Variants in EIF2B3 observed in about 807,000 individuals in gnomAD.
The protein encoded by EIF2B3 is eukaryotic translation initiation factor 2B subunit gamma, also known as translation initiation factor eIF2B subunit gamma.
In EIF2B3, 20 loss-of-function variants were observed where a neutral mutation model predicts 54.1. That is an observed-to-expected ratio of 0.37 (90% CI 0.26 to 0.54). The LOEUF is 0.54. EIF2B3 is among the 20% of genes least tolerant of loss of function. The probability of loss-of-function intolerance (pLI) is 0.86; values close to 1 mark genes in which losing one functional copy is unlikely to be tolerated. For synonymous variants in EIF2B3, 153 were observed against 188.1 expected (o/e 0.81, Z 1.52); for missense variants, 448 against 547.8 (o/e 0.82, Z 1.82).
intron 1 of EIF2B3, among the ~76,000 whole-genome samples, chr1:44,985,970 T>C (rs1204204159): frequency 6.6e-6 from 1 of 152,162 alleles, no homozygotes; most frequent in African/African-American, 2.4e-5. Context: ...TATATTTCAC[T>C]GCCCTGCATC....
At chr1:44,896,374 G>C (rs174637) in intron 6 of EIF2B3, among the ~76,000 whole-genome samples, 5 of 130,088 alleles carry the variant, frequency 3.8e-5, no homozygotes, top group South Asian at 2.1e-4. Flanking sequence ...CAAGTGTTGT[G>C]GGGGGGTGAC....
intron 10 of EIF2B3, among the ~76,000 whole-genome samples, chr1:44,863,537 A>G (rs1311625912): frequency 6.6e-6 from 1 of 152,080 alleles, no homozygotes; most frequent in East Asian, 1.9e-4. Flanking sequence ...TCTGGCAACC[A>G]TGTATTATTT....
At chr1:44,938,094 T>C (rs1183358946) in intron 4 of EIF2B3, among the ~76,000 whole-genome samples, 3 of 151,790 alleles carry the variant, frequency 2.0e-5, no homozygotes, top group Non-Finnish European at 4.4e-5. Flanking sequence ...AGAACGCCAT[T>C]TGAGGAAGTT....
intron 3 of EIF2B3, among the ~76,000 whole-genome samples, chr1:44,947,038 T>G (rs1342102831): frequency 6.6e-6 from 1 of 152,184 alleles, no homozygotes; most frequent in Non-Finnish European, 1.5e-5. Context: ...CTGCCTTTGT[T>G]TCATGGACCC....
chr1:44,888,088 T>C (rs263962), intron 6 of EIF2B3, among the ~76,000 whole-genome samples: 65,445 of 151,970 alleles, frequency 0.43, 14,998 homozygotes, highest in African/African-American at 0.59. Flanking sequence ...GAGAGGCCCT[T>C]CCCTCAATAA....
rs71040529 is a variant in EIF2B3 at position 44,984,797 on chromosome 1, C to CTTTTTTTTTTTTTTTTTTTT, written c.-10+1676_-10+1695dup. 3.3e-4 allele frequency among the ~76,000 whole-genome samples: 29 copies of CTTTTTTTTTTTTTTTTTTTT among 88,576 alleles called. 5 individuals carry two copies. The highest frequency in any genetic ancestry group is 1.5e-3 in the African/African-American group (27 of 18,588). The allele number at this position is 88,576 out of a possible 152,430, so 58.1% of individuals were successfully genotyped here. ...GTAAAGCAGACAAAATAATGTCCAT[C>CTTTTTTTTTTTTTTTTTTTT]TTTTTTTTTTTTTTTTTTTTGAGAC... On this transcript the variant is annotated intron_variant, in intron 1 of 11. Transcript: ENST00000360403.
At chr1:44,922,919 C>T (rs532449591) in intron 5 of EIF2B3, among the ~76,000 whole-genome samples, 11 of 135,594 alleles carry the variant, frequency 8.1e-5, no homozygotes, top group South Asian at 4.8e-4. Flanking sequence ...CATCTCGGCT[C>T]GCTGTAACCT....
At chr1:44,932,595 C>T (rs1012232323) in intron 4 of EIF2B3, among the ~76,000 whole-genome samples, 7 of 152,096 alleles carry the variant, frequency 4.6e-5, no homozygotes, top group African/African-American at 1.7e-4. Context: ...TTTAAGTGTT[C>T]TCACTTGAAG....
At chr1:44,854,103 A>G (rs1311975723) in intron 11 of EIF2B3, among the ~76,000 whole-genome samples, 2 of 151,292 alleles carry the variant, frequency 1.3e-5, no homozygotes, top group African/African-American at 4.9e-5. Flanking sequence ...CCCAGGTTCA[A>G]GTGATTCTCC....
chr1:44,957,423 T>C (rs1644237616), intron 3 of EIF2B3, among the ~76,000 whole-genome samples: 1 of 152,188 alleles, frequency 6.6e-6, no homozygotes. Flanking sequence ...GATCATAATG[T>C]ATTCAATTTT....
At chr1:44,888,366 G>T (rs2148909685) in intron 6 of EIF2B3, among the ~76,000 whole-genome samples, 1 of 152,308 alleles carries the variant, frequency 6.6e-6, no homozygotes, top group East Asian at 1.9e-4. Flanking sequence ...AGGAGCGATG[G>T]TGTGGCAAGC....
chr1:44,938,502 G>C (rs200260545), intron 4 of EIF2B3, among the ~76,000 whole-genome samples: 19,485 of 146,726 alleles, frequency 0.13, 1,400 homozygotes, highest in Non-Finnish European at 0.16. Context: ...CTCTCTCTCT[G>C]TTTTTTTTTG....
At chr1:44,880,103 A>ACCGT in intron 7 of EIF2B3, 95 bp from the exon 8 acceptor site, 1 of 1,370,614 alleles carries the variant, frequency 7.3e-7, no homozygotes. Context: ...TATTTAAGAG[A>ACCGT]CGAGGTCTTG....
intron 6 of EIF2B3, among the ~76,000 whole-genome samples, chr1:44,890,863 ACTT>A (rs1380548369): frequency 6.6e-6 from 1 of 152,022 alleles, no homozygotes; most frequent in Non-Finnish European, 1.5e-5. Flanking sequence ...AAACAGCCTG[ACTT>A]CTTCTTCCAC....
chr1:44,942,401 A>G (rs1241145590), intron 3 of EIF2B3, among the ~76,000 whole-genome samples: 1 of 16,674 alleles, frequency 6.0e-5, no homozygotes, highest in Non-Finnish European at 1.0e-4. Context: ...ATATATATAT[A>G]TATATATATA....
At chr1:44,922,401 A>G (rs949160817) in intron 5 of EIF2B3, among the ~76,000 whole-genome samples, 4 of 151,082 alleles carry the variant, frequency 2.6e-5, no homozygotes, top group Non-Finnish European at 5.9e-5. Flanking sequence ...AGCCTGGGCA[A>G]CATGGTGAAA....
At chr1:44,959,758 G>A (rs1423758287) in intron 3 of EIF2B3, among the ~76,000 whole-genome samples, 1 of 152,120 alleles carries the variant, frequency 6.6e-6, no homozygotes, top group Non-Finnish European at 1.5e-5. Flanking sequence ...ATTAAAGCAT[G>A]AGCATTTTAT....
intron 11 of EIF2B3, among the ~76,000 whole-genome samples, chr1:44,855,109 GAAGT>G (rs1272771833): frequency 6.6e-6 from 1 of 150,700 alleles, no homozygotes; most frequent in Non-Finnish European, 1.5e-5. Context: ...AAAAAAAGAA[GAAGT>G]AATAGTGGAA....
chr1:44,961,641 T>A (rs1644285768), intron 3 of EIF2B3, among the ~76,000 whole-genome samples: 1 of 152,156 alleles, frequency 6.6e-6, no homozygotes, highest in Admixed American at 6.5e-5. Flanking sequence ...AGAGGACAGG[T>A]ATCTTTTTTA....
Sources: gnomAD v4.1 joint callset for allele counts (sites outside exome capture counted in the v4.1 genomes callset) on GRCh38, gnomAD v4.1.1 for gene constraint, MANE v1.5 for transcripts, NCBI Gene and HGNC (gene_info 2026-07-23, HGNC 2026-07-21) for gene names.